CNTNAP2: variants seen among roughly 807,000 people sequenced by gnomAD.
The protein encoded by CNTNAP2 is contactin-associated protein-like 2.
A neutral mutation model predicts 155.2 loss-of-function variants in CNTNAP2; 98 were observed. That is an observed-to-expected ratio of 0.63 (90% CI 0.54 to 0.75). The LOEUF is 0.75. CNTNAP2 is among the 30% of genes least tolerant of loss of function. CNTNAP2 has a pLI of 0.00. For synonymous variants in CNTNAP2, 651 were observed against 631.2 expected (o/e 1.03, Z -0.47); for missense variants, 1,727 against 1,688.1 (o/e 1.02, Z -0.40).
chr7:146,176,754 T>A (rs1266878305), intron 1 of CNTNAP2, among the ~76,000 whole-genome samples: 1 of 152,218 alleles, frequency 6.6e-6, no homozygotes, highest in African/African-American at 2.4e-5. Flanking sequence ...TATTATTAGA[T>A]AATGTGTAAG....
intron 1 of CNTNAP2, among the ~76,000 whole-genome samples, chr7:146,449,031 G>T (rs1376260944): frequency 6.6e-6 from 1 of 151,928 alleles, no homozygotes; most frequent in Admixed American, 6.6e-5. Context: ...TTTCTTTTCT[G>T]TGTTGCCGAG....
At chr7:148,114,951 C>T (rs1427638347) in intron 15 of CNTNAP2, among the ~76,000 whole-genome samples, 1 of 152,212 alleles carries the variant, frequency 6.6e-6, no homozygotes, top group African/African-American at 2.4e-5. Context: ...GAGTGGAGTC[C>T]TCCCTGTTGC....
intron 9 of CNTNAP2, among the ~76,000 whole-genome samples, chr7:147,329,045 C>T (rs1332046779): frequency 8.5e-5 from 13 of 152,082 alleles, no homozygotes; most frequent in Non-Finnish European, 1.9e-4. Context: ...TCTGTCTCTA[C>T]CTTGAAACTG....
rs552413476 is a variant in CNTNAP2, at chr7:146,798,294, C to CT, written c.208+23920dup. 8.0e-3 allele frequency among the ~76,000 whole-genome samples: 1,215 copies of CT among 151,490 alleles called. 11 individuals are homozygous for CT. Among genetic ancestry groups the CT allele is most frequent in the Non-Finnish European group, 0.011 (773 of 67,796 alleles). The stretch of plus-strand genomic sequence containing the variant: ...CCCTGTCTCCAAAAAAAAAAAAAGA[C>CT]TTTTTTTGTGGCAGTGTCTCAAACA... On this transcript the variant is annotated intron_variant, in intron 2 of 23. Coordinates refer to ENST00000361727, the MANE Select transcript of CNTNAP2 (RefSeq NM_014141.6).
chr7:146,840,709 G>A lies in CNTNAP2; in HGVS notation c.402+805G>A, dbSNP rs138913180. On this transcript the variant is annotated intron_variant, in intron 3 of 23. Coordinates refer to ENST00000361727, the MANE Select transcript of CNTNAP2 (RefSeq NM_014141.6). ...TGTCCTTCACAGTATTAGTTGGAGTGCTGGATATTTTTAACTTTATCATGA... is the reference window on the plus strand; with the variant it reads ...TGTCCTTCACAGTATTAGTTGGAGTACTGGATATTTTTAACTTTATCATGA... 1.4e-4 allele frequency among the ~76,000 whole-genome samples: 21 copies of A among 152,166 alleles called. No homozygotes were observed. The East Asian group carries it at 3.7e-3, about 27-fold the overall frequency.
chr7:148,065,565 T>C (rs960635589), intron 15 of CNTNAP2, among the ~76,000 whole-genome samples: 1 of 152,240 alleles, frequency 6.6e-6, no homozygotes, highest in African/African-American at 2.4e-5. Context: ...TTTTAACTGA[T>C]GTTGCTTTAA....
At chr7:146,267,326 G>C (rs1800011093) in intron 1 of CNTNAP2, among the ~76,000 whole-genome samples, 2 of 152,076 alleles carry the variant, frequency 1.3e-5, no homozygotes, top group Non-Finnish European at 2.9e-5. Flanking sequence ...ATAGCCAATT[G>C]GAAGCCGGTT....
intron 3 of CNTNAP2, among the ~76,000 whole-genome samples, chr7:146,910,663 A>G (rs1325263763): frequency 6.6e-6 from 1 of 150,572 alleles, no homozygotes; most frequent in African/African-American, 2.5e-5. Flanking sequence ...TTCAAGATGG[A>G]TCAAAGATTT....
intron 19 of CNTNAP2, among the ~76,000 whole-genome samples, chr7:148,227,141 G>C (rs2116774348): frequency 6.6e-6 from 1 of 152,298 alleles, no homozygotes; most frequent in Middle Eastern, 3.4e-3. Flanking sequence ...AAAACAGGTA[G>C]AGAAGGAAAA....
At chr7:147,820,208 C>T (rs1265462441) in intron 13 of CNTNAP2, among the ~76,000 whole-genome samples, 1 of 151,970 alleles carries the variant, frequency 6.6e-6, no homozygotes, top group African/African-American at 2.4e-5. Flanking sequence ...AGTGGGTGTA[C>T]AGTGATCTGT....
chr7:146,171,511 C>T (rs941698625), intron 1 of CNTNAP2, among the ~76,000 whole-genome samples: 2 of 152,052 alleles, frequency 1.3e-5, no homozygotes, highest in African/African-American at 4.8e-5. Flanking sequence ...TAATTATAAT[C>T]ATTATAGGTT....
chr7:146,671,278 T>C (rs116533000), intron 1 of CNTNAP2, among the ~76,000 whole-genome samples: 197 of 152,304 alleles, frequency 1.3e-3, no homozygotes, highest in African/African-American at 4.4e-3. Flanking sequence ...TGAAGGTCTA[T>C]ATACCTAGAC....
intron 15 of CNTNAP2, among the ~76,000 whole-genome samples, chr7:148,038,203 G>A (rs1417545302): frequency 1.3e-5 from 2 of 152,126 alleles, no homozygotes; most frequent in East Asian, 1.9e-4. Context: ...GGTCTTCAAG[G>A]CAATTCAGTC....
intron 13 of CNTNAP2, chr7:147,672,645 G>T (rs1158385999): frequency 6.6e-6 from 1 of 152,142 alleles, no homozygotes; most frequent in Non-Finnish European, 1.5e-5. Context: ...AAATATAGGT[G>T]TCAAGCACGT....
intron 1 of CNTNAP2, among the ~76,000 whole-genome samples, chr7:146,404,962 A>G (rs902045540): frequency 6.6e-6 from 1 of 152,130 alleles, no homozygotes; most frequent in Non-Finnish European, 1.5e-5. Context: ...TGACATATTT[A>G]TCAATGATTA....
chr7:146,694,251 G>T (rs986564940), intron 1 of CNTNAP2, among the ~76,000 whole-genome samples: 1 of 152,130 alleles, frequency 6.6e-6, no homozygotes, highest in Non-Finnish European at 1.5e-5. Flanking sequence ...AATAATTTGG[G>T]GTTATGTGTA....
chr7:147,453,718 T>C (rs1417359012), intron 10 of CNTNAP2, among the ~76,000 whole-genome samples: 1 of 152,238 alleles, frequency 6.6e-6, no homozygotes, highest in South Asian at 2.1e-4. Context: ...AGAATTAAAG[T>C]ACAACAAACT....
intron 8 of CNTNAP2, among the ~76,000 whole-genome samples, chr7:147,242,113 C>G (rs1803950567): frequency 6.6e-6 from 1 of 152,086 alleles, no homozygotes; most frequent in Non-Finnish European, 1.5e-5. Context: ...ACTTTCTCTC[C>G]TCCTTACAAT....
intron 1 of CNTNAP2, among the ~76,000 whole-genome samples, chr7:146,152,125 A>C (rs1267140612): frequency 1.3e-5 from 2 of 152,118 alleles, no homozygotes. Context: ...TGTGTCCATC[A>C]ATAGATGACT....
Sources: gnomAD v4.1 joint callset for allele counts (sites outside exome capture counted in the v4.1 genomes callset) on GRCh38, gnomAD v4.1.1 for gene constraint, MANE v1.5 for transcripts, NCBI Gene and HGNC (gene_info 2026-07-23, HGNC 2026-07-21) for gene names.